The following SATL1 variants were observed in gnomAD, a reference collection of about 807,000 sequenced individuals.
SATL1 encodes the protein spermidine/spermine N(1)-acetyltransferase-like protein 1.
In SATL1, 47 loss-of-function variants were observed where a neutral mutation model predicts 51.8. That is an observed-to-expected ratio of 0.91 (90% CI 0.72 to 1.16). The LOEUF is 1.16. Ranked by LOEUF, SATL1 falls within the 50% of genes most tolerant of loss-of-function variation. The probability of loss-of-function intolerance (pLI) is 0.00; values close to 1 mark genes in which losing one functional copy is unlikely to be tolerated. For synonymous variants in SATL1, 176 were observed against 182.4 expected (o/e 0.97, Z 0.28); for missense variants, 520 against 526.4 (o/e 0.99, Z 0.12).
chrX:85,187,089 T>G (rs997932525), intron 2 of SATL1, among the ~76,000 whole-genome samples: 2 of 112,265 alleles, frequency 1.8e-5, no homozygotes, highest in East Asian at 5.6e-4. Context: ...CTAAATATTT[T>G]TTGTAACTAT....
chrX:85,191,212 A>G (rs2147744919), intron 2 of SATL1, among the ~76,000 whole-genome samples: 2 of 111,478 alleles, frequency 1.8e-5, no homozygotes, highest in East Asian at 5.6e-4. Flanking sequence ...TAATATTTAA[A>G]TCATTCTGAC....
At chrX:85,202,889 T>TAGAGGC (rs1457177766) in intron 2 of SATL1, among the ~76,000 whole-genome samples, 2 of 111,947 alleles carry the variant, frequency 1.8e-5, no homozygotes, top group Non-Finnish European at 3.8e-5. Context: ...AGTTCCACTG[T>TAGAGGC]AGAGGCAGTG....
intron 4 of SATL1, among the ~76,000 whole-genome samples, chrX:85,101,680 G>A (rs945390837): frequency 8.1e-5 from 9 of 111,506 alleles, no homozygotes; most frequent in African/African-American, 2.9e-4. Context: ...TTTTAGGTAC[G>A]TGCCCAAAAT....
In SATL1 at chrX:85,108,491, G is replaced by A. The variant is rs1602837146; in HGVS notation, c.478C>T (p.Gln160Ter). 3.3e-6 allele frequency: 4 copies of A among 1,210,399 alleles called. No homozygotes were observed. The Admixed American group carries it at 8.7e-5, about 26-fold the overall frequency. ...ATGCCTATTTGGCTTGTGCCTAATT[G>A]GCTGGTGCCTACTTGTCTCATGCTT... ...QPSMRQVGTSQLGTSQIGMSQ... is the reference protein window; with the variant it reads ...QPSMRQVGTS Residue 160 changes from glutamine (Q) to a stop codon, truncating the protein, a stop_gained, in exon 3 of 8, where the codon CAA becomes TAA. Coordinates refer to ENST00000644105, the MANE Select transcript of SATL1 (RefSeq NM_001367857.2). LOFTEE classifies it high-confidence loss of function.
intron 2 of SATL1, among the ~76,000 whole-genome samples, chrX:85,163,002 C>CT (rs546402967): frequency 0.052 from 5,042 of 96,438 alleles, 117 homozygotes; most frequent in African/African-American, 0.083. Context: ...CTGTAGTTTT[C>CT]TTTTTTTTTT....
At chrX:85,195,703 T>C (rs777516853) in intron 2 of SATL1, among the ~76,000 whole-genome samples, 1 of 109,565 alleles carries the variant, frequency 9.1e-6, no homozygotes, top group South Asian at 4.0e-4. Context: ...TCCCAGCTAC[T>C]TGGGAGGCTG....
chrX:85,143,569 TAG>T (rs1469607504), intron 2 of SATL1: 2 of 111,819 alleles, frequency 1.8e-5, no homozygotes. Context: ...ATGCTTTAAT[TAG>T]AGAGGGAATC....
intron 1 of SATL1, among the ~76,000 whole-genome samples, chrX:85,239,901 G>GA (rs1439699044): frequency 1.9e-5 from 2 of 107,768 alleles, no homozygotes; most frequent in Non-Finnish European, 3.9e-5. Flanking sequence ...ACTTTTAGGG[G>GA]AAAAAAAACC....
intron 2 of SATL1, among the ~76,000 whole-genome samples, chrX:85,121,397 AAT>A (rs969763079): frequency 1.9e-5 from 2 of 104,059 alleles, no homozygotes; most frequent in African/African-American, 6.9e-5. Context: ...ACTATATATA[AAT>A]ATATATATTT....
intron 2 of SATL1, among the ~76,000 whole-genome samples, chrX:85,158,889 C>T (rs944174767): frequency 9.0e-6 from 1 of 111,669 alleles, no homozygotes. Context: ...TAGGAGGAGA[C>T]AAGCTAAGCT....
intron 2 of SATL1, among the ~76,000 whole-genome samples, chrX:85,110,792 G>A (rs1362648320): frequency 1.8e-5 from 2 of 112,515 alleles, no homozygotes; most frequent in African/African-American, 3.2e-5. Context: ...CAAATTAGAT[G>A]TATGTGTGTT....
At chrX:85,233,981 C>A (rs911158217) in intron 1 of SATL1, among the ~76,000 whole-genome samples, 1 of 111,035 alleles carries the variant, frequency 9.0e-6, no homozygotes, top group African/African-American at 3.3e-5. Flanking sequence ...CTAAATGAGA[C>A]TACCTTAAGA....
At chrX:85,113,429 T>G (rs1362265446) in intron 2 of SATL1, among the ~76,000 whole-genome samples, 1 of 111,477 alleles carries the variant, frequency 9.0e-6, no homozygotes, top group East Asian at 2.8e-4. Context: ...ATTAGAGTGT[T>G]GATCCACATT....
intron 4 of SATL1, among the ~76,000 whole-genome samples, chrX:85,097,013 A>G (rs1049781794): frequency 8.9e-6 from 1 of 112,173 alleles, no homozygotes; most frequent in Non-Finnish European, 1.9e-5. Context: ...AGACAGATAC[A>G]TGAGCAATTA....
chrX:85,205,143 G>A (rs1751734937), intron 2 of SATL1, among the ~76,000 whole-genome samples: 2 of 111,869 alleles, frequency 1.8e-5, no homozygotes, highest in African/African-American at 3.2e-5. Context: ...TTAAAGTATA[G>A]GGTCACAGCA....
chrX:85,216,671 T>C (rs1928050689), intron 2 of SATL1, among the ~76,000 whole-genome samples: 1 of 111,412 alleles, frequency 9.0e-6, no homozygotes, highest in Admixed American at 9.5e-5. Flanking sequence ...CTAGCTCCAT[T>C]CTGCTAGGAT....
At position 85,109,110 on chromosome X, in the gene SATL1, C is replaced by A. The variant is rs1925191885; in HGVS notation, c.-142G>T. 2 of 559,378 alleles carry A rather than the reference C, an allele frequency of 3.6e-6. No individual in the cohort carries two copies. The highest frequency in any genetic ancestry group is 2.8e-6 in the Non-Finnish European group (1 of 357,801). 46.1% of individuals were successfully genotyped at this position (559,378 alleles called of 1,213,427 possible). ...GGGAGGTTGTTGGCTGTTCCCAGTTCTTCTCAATTTGATTCGCCCACTTTG... is the reference window on the plus strand; with the variant it reads ...GGGAGGTTGTTGGCTGTTCCCAGTTATTCTCAATTTGATTCGCCCACTTTG... On this transcript the variant is annotated 5_prime_UTR_variant, in exon 3 of 8. Coordinates refer to ENST00000644105, the MANE Select transcript of SATL1 (RefSeq NM_001367857.2).
At chrX:85,165,937 C>A (rs1182279548) in intron 2 of SATL1, among the ~76,000 whole-genome samples, 1 of 111,425 alleles carries the variant, frequency 9.0e-6, no homozygotes, top group African/African-American at 3.3e-5. Context: ...GCAAGTAGAT[C>A]AATGGAACAG....
At chrX:85,141,879 G>A (rs1288479476) in intron 2 of SATL1, among the ~76,000 whole-genome samples, 1 of 107,692 alleles carries the variant, frequency 9.3e-6, no homozygotes, top group African/African-American at 3.4e-5. Flanking sequence ...ATAATTATTT[G>A]TCTCTTACCA....
Sources: gnomAD v4.1 joint callset for allele counts (sites outside exome capture counted in the v4.1 genomes callset) on GRCh38, gnomAD v4.1.1 for gene constraint, MANE v1.5 for transcripts, NCBI Gene and HGNC (gene_info 2026-07-23, HGNC 2026-07-21) for gene names.